ITFG1: variants seen among roughly 807,000 people sequenced by gnomAD.
The protein encoded by ITFG1 is T-cell immunomodulatory protein.
ITFG1 carries 34 observed loss-of-function variants against 81.8 expected under a neutral mutation model. The ratio of observed to expected loss-of-function variants is 0.42; its 90% confidence interval spans 0.32 to 0.55. The LOEUF is 0.55. Among genes scored for constraint, ITFG1 ranks in the 20% least tolerant of loss-of-function variants. ITFG1 has a pLI of 0.17. For missense variants in ITFG1, 672 were observed against 755.4 expected (o/e 0.89, Z 1.29); for synonymous variants, 285 against 270.6 (o/e 1.05, Z -0.52).
chr16:47,214,553 T>G (rs529606925), intron 14 of ITFG1, among the ~76,000 whole-genome samples: 146 of 152,288 alleles, frequency 9.6e-4, no homozygotes, highest in African/African-American at 3.2e-3. Flanking sequence ...TTTACAAGAG[T>G]AGTAAACAAA....
intron 10 of ITFG1, among the ~76,000 whole-genome samples, chr16:47,296,252 T>C (rs1567449215): frequency 6.6e-6 from 1 of 151,910 alleles, no homozygotes; most frequent in Admixed American, 6.6e-5. Flanking sequence ...TTTCTTTTTT[T>C]TTTAATGTAG....
At chr16:47,245,649 A>C (rs1447532375) in intron 12 of ITFG1, among the ~76,000 whole-genome samples, 2 of 152,182 alleles carry the variant, frequency 1.3e-5, no homozygotes, top group Non-Finnish European at 2.9e-5. Flanking sequence ...GTTCAATCTG[A>C]AAGCTTTTGA....
intron 7 of ITFG1, among the ~76,000 whole-genome samples, chr16:47,366,977 GC>G (rs1217875372): frequency 6.6e-6 from 1 of 152,142 alleles, no homozygotes; most frequent in African/African-American, 2.4e-5. Context: ...CAGGTTGAGG[GC>G]TCAGTCCCTC....
intron 14 of ITFG1, among the ~76,000 whole-genome samples, chr16:47,194,783 A>G (rs1965336616): frequency 6.6e-6 from 1 of 152,244 alleles, no homozygotes; most frequent in South Asian, 2.1e-4. Context: ...ATAGGTACAC[A>G]TGTGCCATGG....
chr16:47,221,900 A>G (rs1487633411), intron 13 of ITFG1, among the ~76,000 whole-genome samples: 2 of 152,220 alleles, frequency 1.3e-5, no homozygotes, highest in South Asian at 2.1e-4. Context: ...CTCTGATGGT[A>G]GTTTGTATTT....
At chr16:47,445,972 G>C (rs976880543) in intron 5 of ITFG1, among the ~76,000 whole-genome samples, 1 of 151,892 alleles carries the variant, frequency 6.6e-6, no homozygotes, top group African/African-American at 2.4e-5. Flanking sequence ...ATTTATTTAC[G>C]TATTTGTGAG....
intron 8 of ITFG1, among the ~76,000 whole-genome samples, chr16:47,328,434 C>T (rs1338300307): frequency 6.6e-6 from 1 of 151,884 alleles, no homozygotes. Flanking sequence ...AACAAACCTG[C>T]ACATTGTGCA....
At chr16:47,238,662 C>G (rs181607813) in intron 12 of ITFG1, among the ~76,000 whole-genome samples, 289 of 151,940 alleles carry the variant, frequency 1.9e-3, no homozygotes, top group African/African-American at 6.5e-3. Context: ...GATAAGAAAG[C>G]AGACATTATA....
At chr16:47,379,423 C>CT (rs1968367256) in intron 6 of ITFG1, among the ~76,000 whole-genome samples, 1 of 152,126 alleles carries the variant, frequency 6.6e-6, no homozygotes, top group African/African-American at 2.4e-5. Context: ...CACGGTGGCT[C>CT]ACACCAGTAA....
chr16:47,195,934 G>A (rs1965352102), intron 14 of ITFG1, among the ~76,000 whole-genome samples: 1 of 151,912 alleles, frequency 6.6e-6, no homozygotes. Context: ...TGTTCTCAAT[G>A]TTCAACTCCC....
intron 8 of ITFG1, among the ~76,000 whole-genome samples, chr16:47,348,217 C>T (rs1349227856): frequency 2.0e-5 from 3 of 152,188 alleles, no homozygotes; most frequent in Admixed American, 1.3e-4. Context: ...CGGAGAATAA[C>T]TTTGACGAGT....
At chr16:47,172,511 C>A (rs1451506851) in intron 14 of ITFG1, among the ~76,000 whole-genome samples, 1 of 150,990 alleles carries the variant, frequency 6.6e-6, no homozygotes, top group Admixed American at 6.6e-5. Context: ...AACCAAAAAA[C>A]CCCCCATAAT....
At chr16:47,239,149 G>T (rs1965906263) in intron 12 of ITFG1, among the ~76,000 whole-genome samples, 1 of 151,974 alleles carries the variant, frequency 6.6e-6, no homozygotes, top group Non-Finnish European at 1.5e-5. Context: ...GGACTTCCCA[G>T]CCTCAAGAAC....
Position 47,260,536 on chromosome 16 carries a change from T to C in ITFG1, c.1221+9A>G. 6.2e-7 allele frequency: 1 copy of C among 1,614,102 alleles called. No individual in the cohort carries two copies. Among genetic ancestry groups the C allele is most frequent in the South Asian group, 1.1e-5 (1 of 91,084 alleles). Reference sequence around the variant, plus strand: ...AAACTTCAAACACACAGCCCAGCTCTGAACTCACATCTTCGTAAATGTCAA... The same window carrying C: ...AAACTTCAAACACACAGCCCAGCTCCGAACTCACATCTTCGTAAATGTCAA... On this transcript the variant is annotated intron_variant, in intron 11 of 17. Coordinates refer to ENST00000320640, the MANE Select transcript of ITFG1 (RefSeq NM_030790.5).
chr16:47,380,138 CAAG>C (rs946656073), intron 6 of ITFG1, among the ~76,000 whole-genome samples: 1 of 151,752 alleles, frequency 6.6e-6, no homozygotes, highest in Non-Finnish European at 1.5e-5. Flanking sequence ...GAAGGGAACC[CAAG>C]AAGGTTAAAT....
chr16:47,323,825 T>C (rs1967486200), intron 8 of ITFG1, among the ~76,000 whole-genome samples: 1 of 152,152 alleles, frequency 6.6e-6, no homozygotes, highest in Non-Finnish European at 1.5e-5. Context: ...AAATGTTTCC[T>C]AAACATTCTA....
intron 10 of ITFG1, 79 bp downstream of exon 10, chr16:47,311,161 T>C: frequency 1.0e-6 from 1 of 964,488 alleles, no homozygotes; most frequent in Non-Finnish European, 1.5e-6. Flanking sequence ...TTAGGTACTA[T>C]TCAGTTGCAA....
chr16:47,184,406 C>G (rs1965181459), intron 14 of ITFG1, among the ~76,000 whole-genome samples: 2 of 152,134 alleles, frequency 1.3e-5, no homozygotes, highest in African/African-American at 2.4e-5. Flanking sequence ...CAAAGGGAAG[C>G]CCATCAGACT....
At chr16:47,337,957 C>T (rs1057096781) in intron 8 of ITFG1, among the ~76,000 whole-genome samples, 12 of 152,208 alleles carry the variant, frequency 7.9e-5, no homozygotes, top group African/African-American at 2.9e-4. Context: ...TGTTTTATTT[C>T]TTGGTTTCAT....
Sources: gnomAD v4.1 joint callset for allele counts (sites outside exome capture counted in the v4.1 genomes callset) on GRCh38, gnomAD v4.1.1 for gene constraint, MANE v1.5 for transcripts, NCBI Gene and HGNC (gene_info 2026-07-23, HGNC 2026-07-21) for gene names.